ACO2: variants seen among roughly 807,000 people sequenced by gnomAD.
ACO2 encodes the protein aconitase 2, also known as aconitate hydratase, mitochondrial.
In ACO2, 31 loss-of-function variants were observed where a neutral mutation model predicts 84.5. The ratio of observed to expected loss-of-function variants is 0.37; its 90% confidence interval spans 0.28 to 0.50. The LOEUF is 0.50. Among genes scored for constraint, ACO2 ranks in the 20% least tolerant of loss-of-function variants. ACO2 has a pLI of 0.97. For missense variants in ACO2, 685 were observed against 1,029.3 expected, an observed-to-expected ratio of 0.67 and a Z score of 4.58; for synonymous variants, 414 against 412.7, an observed-to-expected ratio of 1.00 and a Z score of -0.04.
intron 1 of ACO2, among the ~76,000 whole-genome samples, chr22:41,492,603 G>A (rs1369429949): frequency 1.3e-5 from 2 of 152,070 alleles, no homozygotes; most frequent in Non-Finnish European, 2.9e-5. Context: ...GTGAAACCCC[G>A]TCTTTACTAA....
intron 2 of ACO2, among the ~76,000 whole-genome samples, chr22:41,500,398 T>A (rs1412549364): frequency 6.7e-6 from 1 of 149,034 alleles, no homozygotes; most frequent in Non-Finnish European, 1.5e-5. Flanking sequence ...AATATATATA[T>A]ATTTGAGGCA....
In ACO2 at chr22:41,506,254, ATTCT is replaced by A. The variant is rs1282858124; in HGVS notation, c.174-1534_174-1531del. On this transcript the variant is annotated intron_variant, in intron 2 of 17. Transcript: ENST00000216254. Reference sequence around the variant, plus strand: ...AGGCACGCATCACCCTGTCTGGCTCATTCTTTTTTTTTTTTTGAGATAGAGTCTT... The same window carrying A: ...AGGCACGCATCACCCTGTCTGGCTCATTTTTTTTTTTTGAGATAGAGTCTT... Among the ~76,000 whole-genome samples the A allele has an allele frequency of 6.7e-4, 100 of 149,434 alleles. 1 individual carries two copies. The highest frequency in any genetic ancestry group is 2.4e-3 in the African/African-American group (97 of 40,690).
At chr22:41,502,439 G>A (rs2146109060) in intron 2 of ACO2, among the ~76,000 whole-genome samples, 1 of 152,290 alleles carries the variant, frequency 6.6e-6, no homozygotes, top group Middle Eastern at 3.4e-3. Context: ...GTGCAGTCAG[G>A]ACGAAGAACC....
intron 1 of ACO2, among the ~76,000 whole-genome samples, chr22:41,469,803 T>A (rs1339973277): frequency 6.7e-6 from 1 of 148,540 alleles, no homozygotes; most frequent in Non-Finnish European, 1.5e-5. Context: ...ATTATTTGAT[T>A]CCTGTAATCG....
intron 1 of ACO2, among the ~76,000 whole-genome samples, chr22:41,472,593 T>C (rs1289751291): frequency 6.6e-6 from 1 of 151,978 alleles, no homozygotes; most frequent in Non-Finnish European, 1.5e-5. Flanking sequence ...AATAAGAAAA[T>C]AGAACGTGGG....
intron 14 of ACO2, chr22:41,525,958 G>A (rs927140518): frequency 8.8e-5 from 28 of 317,702 alleles, no homozygotes; most frequent in Non-Finnish European, 1.5e-4. Flanking sequence ...GTCTGTGGCT[G>A]ATCTTGCAGC....
intron 6 of ACO2, among the ~76,000 whole-genome samples, chr22:41,516,439 G>A (rs1421400383): frequency 6.6e-6 from 1 of 152,210 alleles, no homozygotes; most frequent in East Asian, 1.9e-4. Flanking sequence ...TGGTGACCTG[G>A]CCTGGATGCC....
chr22:41,517,642 A>C lies in ACO2; in HGVS notation c.940+11A>C. 1 of 1,612,052 alleles carries C rather than the reference A, an allele frequency of 6.2e-7. No homozygotes were observed. The highest frequency in any genetic ancestry group is 8.5e-7 in the Non-Finnish European group (1 of 1,178,402). ...AGACCGGCCGGGAAGGTGAGCTGGC[A>C]GGGGCAGGCCCGTGTGGGTGGAACA... is the stretch of plus-strand genomic sequence containing the variant. On this transcript the variant is annotated intron_variant, in intron 7 of 17. Transcript: ENST00000216254.
rs138373868 is a variant in ACO2 at position 41,507,956 on chromosome 22, C to T, written c.339C>T (p.Ser113=). 43 of 1,614,246 alleles carry T rather than the reference C, an allele frequency of 2.7e-5. No individual in the cohort carries two copies. In the African/African-American group the frequency reaches 3.2e-4, roughly 12 times the overall value. ...AQMAMLQFIS[S]GLSKVAVPST... Reference sequence around the variant, plus strand: ...TGGCCATGCTCCAGTTCATCAGCAGCGGGCTGTCCAAGGTGGCTGTGCCAT... The same window carrying T: ...TGGCCATGCTCCAGTTCATCAGCAGTGGGCTGTCCAAGGTGGCTGTGCCAT... The change falls in exon 3 of 18, where the codon AGC becomes AGT. Residue 113 remains serine, a synonymous_variant. Coordinates refer to ENST00000216254, the MANE Select transcript of ACO2 (RefSeq NM_001098.3).
At chr22:41,471,280 C>T (rs1250420815) in intron 1 of ACO2, among the ~76,000 whole-genome samples, 1 of 152,154 alleles carries the variant, frequency 6.6e-6, no homozygotes, top group Non-Finnish European at 1.5e-5. Flanking sequence ...GATTAAAATC[C>T]TGGTCTCCTT....
intron 1 of ACO2, among the ~76,000 whole-genome samples, chr22:41,486,123 T>C (rs2038151795): frequency 6.6e-6 from 1 of 152,170 alleles, no homozygotes; most frequent in Non-Finnish European, 1.5e-5. Flanking sequence ...TGTGTGTCCT[T>C]CTTTCAAAGG....
intron 2 of ACO2, among the ~76,000 whole-genome samples, chr22:41,501,730 T>C (rs1230881256): frequency 6.6e-6 from 1 of 152,162 alleles, no homozygotes; most frequent in East Asian, 1.9e-4. Flanking sequence ...GTGTCTCGTC[T>C]TTGTACCCTC....
intron 1 of ACO2, among the ~76,000 whole-genome samples, chr22:41,473,521 A>C (rs1447650438): frequency 2.0e-5 from 3 of 152,148 alleles, no homozygotes; most frequent in Non-Finnish European, 1.5e-5. Context: ...AAGAAAGAAA[A>C]AGCTTAATGT....
At chr22:41,524,189 G>A (rs1178280498) in intron 12 of ACO2, among the ~76,000 whole-genome samples, 1 of 152,200 alleles carries the variant, frequency 6.6e-6, no homozygotes, top group African/African-American at 2.4e-5. Context: ...CACTGCCTAG[G>A]ACACATCCCA....
At chr22:41,520,345 A>G (rs974206830) in intron 9 of ACO2, 69 bp downstream of exon 9, 1 of 1,254,574 alleles carries the variant, frequency 8.0e-7, no homozygotes, top group Non-Finnish European at 1.1e-6. Context: ...GCTGTAGACA[A>G]TCACCTATGC....
intron 15 of ACO2, chr22:41,526,992 C>T: frequency 2.0e-6 from 1 of 494,368 alleles, no homozygotes; most frequent in South Asian, 2.4e-5. Context: ...CCGTCCCTGT[C>T]TCACCCAACC....
intron 17 of ACO2, 170 bp downstream of exon 17, chr22:41,528,192 G>T (rs1461812556): frequency 9.1e-7 from 1 of 1,103,074 alleles, no homozygotes; most frequent in Admixed American, 2.7e-5. Flanking sequence ...TCAGAGTTGG[G>T]GGTTGGAGTC....
In ACO2 at chr22:41,528,803, C is replaced by A. The variant is rs184494062; in HGVS notation, c.*190C>A. 4.0e-6 allele frequency: 3 copies of A among 741,522 alleles called. No homozygotes were observed. The highest frequency in any genetic ancestry group is 6.3e-6 in the Non-Finnish European group (3 of 476,040). The allele number at this position is 741,522 out of a possible 1,614,324, so 45.9% of individuals were successfully genotyped here. A position where few individuals can be genotyped will look rare whatever the true frequency, so the allele number is the denominator to read the frequency against. On this transcript the variant is annotated 3_prime_UTR_variant, in exon 18 of 18. Transcript: ENST00000216254. ...GTTCTTAAAATAACTTTTTAGCCCCCGTCTTCCTATTTTGAGTTTGGTTCA... is the reference window on the plus strand; with the variant it reads ...GTTCTTAAAATAACTTTTTAGCCCCAGTCTTCCTATTTTGAGTTTGGTTCA...
rs537284651 is a variant in ACO2, at chr22:41,499,091, C to CA, written c.37-619dup. Among the ~76,000 whole-genome samples, 659 of 77,676 alleles carry CA rather than the reference C, an allele frequency of 8.5e-3. 2 individuals carry two copies. Among genetic ancestry groups the CA allele is most frequent in the Middle Eastern group, 0.023 (3 of 128 alleles). 51.0% of individuals were successfully genotyped at this position (77,676 alleles called of 152,430 possible). ...CCACCTGGGCGGCAAGACTCCGTCT[C>CA]AAAAAAAAAAAAAAAAGGAAGGGAA... is the stretch of plus-strand genomic sequence containing the variant. On this transcript the variant is annotated intron_variant, in intron 1 of 17. Coordinates refer to ENST00000216254, the MANE Select transcript of ACO2 (RefSeq NM_001098.3).
Sources: gnomAD v4.1 joint callset for allele counts (sites outside exome capture counted in the v4.1 genomes callset) on GRCh38, gnomAD v4.1.1 for gene constraint, MANE v1.5 for transcripts, NCBI Gene and HGNC (gene_info 2026-07-23, HGNC 2026-07-21) for gene names.